The following GPC6 variants were observed in gnomAD, a reference collection of about 807,000 sequenced individuals.
The protein encoded by GPC6 is glypican 6.
In GPC6, 14 loss-of-function variants were observed where a neutral mutation model predicts 55.2. The ratio of observed to expected loss-of-function variants is 0.25; its 90% confidence interval spans 0.17 to 0.40. GPC6 has a LOEUF of 0.40. Ranked by LOEUF, GPC6 falls within the 10% of genes least tolerant of loss-of-function variation. The pLI, the probability that GPC6 is intolerant of heterozygous loss-of-function variation, is 1.00. For synonymous variants in GPC6, 278 were observed against 259.6 expected (o/e 1.07, Z -0.68); for missense variants, 641 against 708.5 (o/e 0.90, Z 1.08).
At chr13:93,879,200 C>G (rs1874796884) in intron 3 of GPC6, among the ~76,000 whole-genome samples, 2 of 152,212 alleles carry the variant, frequency 1.3e-5, no homozygotes, top group South Asian at 4.1e-4. Context: ...CCTTTAAGCA[C>G]TTCTCTGTAT....
At chr13:93,661,387 T>C (rs1293452876) in intron 2 of GPC6, among the ~76,000 whole-genome samples, 1 of 152,106 alleles carries the variant, frequency 6.6e-6, no homozygotes, top group African/African-American at 2.4e-5. Context: ...CTAATTTTTG[T>C]ATTTTTAGTA....
At chr13:93,599,021 A>G (rs1877889996) in intron 2 of GPC6, among the ~76,000 whole-genome samples, 1 of 152,208 alleles carries the variant, frequency 6.6e-6, no homozygotes, top group African/African-American at 2.4e-5. Flanking sequence ...TTACTTAGAA[A>G]TTTTCAAAAA....
At chr13:93,612,137 A>G (rs959476166) in intron 2 of GPC6, among the ~76,000 whole-genome samples, 7 of 152,218 alleles carry the variant, frequency 4.6e-5, no homozygotes, top group African/African-American at 1.7e-4. Context: ...ATAAATGATG[A>G]TGGTTTACGG....
chr13:94,015,536 A>T (rs184292276), intron 3 of GPC6, among the ~76,000 whole-genome samples: 1 of 152,238 alleles, frequency 6.6e-6, no homozygotes, highest in Admixed American at 6.5e-5. Flanking sequence ...ATTTTTATGA[A>T]GTCCTATTTA....
chr13:93,303,644 C>G (rs1878757581), intron 1 of GPC6, among the ~76,000 whole-genome samples: 1 of 151,970 alleles, frequency 6.6e-6, no homozygotes, highest in Non-Finnish European at 1.5e-5. Context: ...GCAGAGGGTT[C>G]TTAAATAAAA....
chr13:94,296,026 G>A (rs889622472), intron 5 of GPC6, among the ~76,000 whole-genome samples: 8 of 151,844 alleles, frequency 5.3e-5, no homozygotes, highest in Non-Finnish European at 1.0e-4. Context: ...TAAAATTGGG[G>A]TTTGTTCTAT....
chr13:93,534,980 A>G (rs567336456), intron 1 of GPC6, among the ~76,000 whole-genome samples: 1 of 152,288 alleles, frequency 6.6e-6, no homozygotes, highest in African/African-American at 2.4e-5. Flanking sequence ...CTGCTTTTGT[A>G]TGACATGAAC....
At position 94,392,415 on chromosome 13, in the gene GPC6, ATTTTTTTTTTT is replaced by A. The variant is rs59173357; in HGVS notation, c.1290-6032_1290-6022del. 3.8e-5 allele frequency among the ~76,000 whole-genome samples: 4 copies of A among 105,672 alleles called. No homozygotes were observed. The East Asian group carries it at 7.8e-4, about 21-fold the overall frequency. The allele number at this position is 105,672 out of a possible 152,430, so 69.3% of individuals were successfully genotyped here. A position where few individuals can be genotyped will look rare whatever the true frequency, so the allele number is the denominator to read the frequency against. ...GGATCATATGGTAATTCTATTTTTA[ATTTTTTTTTTT>A]TTTTTTTTTTTTTTTTTTGGAGATG... is the stretch of plus-strand genomic sequence containing the variant. On this transcript the variant is annotated intron_variant, in intron 7 of 8. Transcript: ENST00000377047.
In GPC6 at chr13:93,446,514, G is replaced by A. The variant is rs540709402; in HGVS notation, c.161-98749G>A. Among the ~76,000 whole-genome samples the A allele has an allele frequency of 6.6e-5, 10 of 152,266 alleles. No individual in the cohort carries two copies. In the East Asian group the frequency reaches 1.9e-3, roughly 29 times the overall value. Reference sequence around the variant, plus strand: ...TTTTACAGCCAAGTTGGGTTTTTATGACCCATTACAAACCACTCTTTGTAC... The same window carrying A: ...TTTTACAGCCAAGTTGGGTTTTTATAACCCATTACAAACCACTCTTTGTAC... On this transcript the variant is annotated intron_variant, in intron 1 of 8. Coordinates refer to ENST00000377047, the MANE Select transcript of GPC6 (RefSeq NM_005708.5).
At chr13:93,431,958 A>C (rs1207114303) in intron 1 of GPC6, among the ~76,000 whole-genome samples, 2 of 152,186 alleles carry the variant, frequency 1.3e-5, no homozygotes, top group Non-Finnish European at 2.9e-5. Flanking sequence ...TGGTAAAGTC[A>C]GTTTAATGAA....
chr13:93,859,126 T>G (rs552173265), intron 3 of GPC6, among the ~76,000 whole-genome samples: 2 of 151,684 alleles, frequency 1.3e-5, no homozygotes, highest in Admixed American at 1.3e-4. Flanking sequence ...CCAGCTAGCA[T>G]GTGGGCAATC....
chr13:94,287,967 A>G (rs1405904610), intron 5 of GPC6, among the ~76,000 whole-genome samples: 1 of 152,168 alleles, frequency 6.6e-6, no homozygotes, highest in African/African-American at 2.4e-5. Flanking sequence ...GTGCGTGTGC[A>G]TACATTTTCC....
intron 4 of GPC6, among the ~76,000 whole-genome samples, chr13:94,161,948 CA>C (rs1237725455): frequency 6.6e-6 from 1 of 152,002 alleles, no homozygotes; most frequent in Non-Finnish European, 1.5e-5. Context: ...GGGAGCCAAG[CA>C]AAAGGGGAAA....
chr13:93,466,412 CAT>C (rs773211502), intron 1 of GPC6, among the ~76,000 whole-genome samples: 7 of 152,150 alleles, frequency 4.6e-5, no homozygotes, highest in African/African-American at 7.2e-5. Flanking sequence ...CTCTCTGAAA[CAT>C]AGAAAATTTT....
intron 2 of GPC6, among the ~76,000 whole-genome samples, chr13:93,550,930 G>A (rs541707397): frequency 8.5e-5 from 13 of 152,106 alleles, no homozygotes; most frequent in South Asian, 2.1e-4. Flanking sequence ...AGGAGTTTAC[G>A]TTTTGGGGGA....
chr13:93,404,318 A>G (rs990255993), intron 1 of GPC6, among the ~76,000 whole-genome samples: 3 of 152,170 alleles, frequency 2.0e-5, no homozygotes, highest in African/African-American at 7.2e-5. Flanking sequence ...AGGAGAACCT[A>G]TAATTAAGAA....
chr13:93,383,579 C>G (rs1395590621), intron 1 of GPC6, among the ~76,000 whole-genome samples: 1 of 152,112 alleles, frequency 6.6e-6, no homozygotes, highest in Middle Eastern at 3.2e-3. Context: ...TTCTAGTTAC[C>G]ATTACTTATG....
intron 2 of GPC6, among the ~76,000 whole-genome samples, chr13:93,779,458 T>C (rs1463402071): frequency 6.6e-6 from 1 of 152,148 alleles, no homozygotes; most frequent in Non-Finnish European, 1.5e-5. Context: ...CTTGGAAAAA[T>C]GATAAAAGCC....
intron 3 of GPC6, among the ~76,000 whole-genome samples, chr13:93,949,656 A>G (rs1431289431): frequency 6.6e-6 from 1 of 152,194 alleles, no homozygotes; most frequent in African/African-American, 2.4e-5. Context: ...TGTCTAAGAA[A>G]GTATAATGGA....
Sources: allele counts gnomAD v4.1 joint callset (sites outside exome capture counted in the v4.1 genomes callset), GRCh38; gene constraint gnomAD v4.1.1; transcripts MANE v1.5; gene names NCBI Gene and HGNC (gene_info 2026-07-23, HGNC 2026-07-21).